NF1: variants seen among roughly 807,000 people sequenced by gnomAD.
NF1 encodes neurofibromin 1, also known as neurofibromin.
In NF1, 122 loss-of-function variants were observed where a neutral mutation model predicts 325.7. That is an observed-to-expected ratio of 0.37 (90% CI 0.32 to 0.44). The LOEUF (loss-of-function observed/expected upper bound fraction) is 0.44, where lower values mean the gene tolerates loss of function less well. Among genes scored for constraint, NF1 ranks in the 20% least tolerant of loss-of-function variants. NF1 has a pLI of 1.00. For missense variants in NF1, 2,140 were observed against 3,415.4 expected (o/e 0.63, Z 9.31); for synonymous variants, 1,091 against 1,186.0 (o/e 0.92, Z 1.65).
intron 15 of NF1, 141 bp downstream of exon 15, chr17:31,222,070 C>T: frequency 7.8e-7 from 1 of 1,283,380 alleles, no homozygotes; most frequent in Non-Finnish European, 9.9e-7. Flanking sequence ...TATTTGACTT[C>T]AAATTATTAG....
chr17:31,233,356 G>A, intron 27 of NF1, 143 bp downstream of exon 27: 1 of 859,942 alleles, frequency 1.2e-6, no homozygotes, highest in South Asian at 1.4e-5. Context: ...TGATTTTTCA[G>A]CTGTAGGGAA....
intron 5 of NF1, among the ~76,000 whole-genome samples, chr17:31,180,914 C>T (rs1304727657): frequency 6.6e-6 from 1 of 152,158 alleles, no homozygotes; most frequent in South Asian, 2.1e-4. Flanking sequence ...GATACAAAAT[C>T]AATGTGCAAA....
At chr17:31,365,209 G>A (rs145556333) in intron 57 of NF1, among the ~76,000 whole-genome samples, 10 of 148,908 alleles carry the variant, frequency 6.7e-5, no homozygotes, top group East Asian at 2.0e-4. Flanking sequence ...CACCTGAGCC[G>A]GAGAGGTCAA....
At chr17:31,367,044 T>C (rs1344506282) in intron 57 of NF1, among the ~76,000 whole-genome samples, 3 of 152,150 alleles carry the variant, frequency 2.0e-5, no homozygotes, top group African/African-American at 7.2e-5. Flanking sequence ...TTGTAAGTTC[T>C]CTCATTTATT....
chr17:31,187,420 A>G (rs1416048514), intron 8 of NF1, among the ~76,000 whole-genome samples: 1 of 152,102 alleles, frequency 6.6e-6, no homozygotes, highest in Non-Finnish European at 1.5e-5. Flanking sequence ...GATGGTCTCA[A>G]TCTCTTGACC....
intron 1 of NF1, among the ~76,000 whole-genome samples, chr17:31,132,284 G>A (rs1418898000): frequency 6.6e-6 from 1 of 152,046 alleles, no homozygotes; most frequent in Non-Finnish European, 1.5e-5. Context: ...GGTCATGCCT[G>A]TAATCCCAGC....
Position 31,144,514 on chromosome 17 carries a change from C to T in NF1, c.61-11469C>T, listed in dbSNP as rs73273512. On this transcript the variant is annotated intron_variant, in intron 1 of 57. Coordinates refer to ENST00000358273, the MANE Select transcript of NF1 (RefSeq NM_001042492.3). ...GGTCAGGAATTCATGACAGGTTCAGCTGGGCAGTTCTTCTGTTCCATATTG... is the reference window on the plus strand; with the variant it reads ...GGTCAGGAATTCATGACAGGTTCAGTTGGGCAGTTCTTCTGTTCCATATTG... Among the ~76,000 whole-genome samples the T allele has an allele frequency of 1.3e-3, 191 of 152,308 alleles. 1 individual carries two copies. Among genetic ancestry groups the T allele is most frequent in the African/African-American group, 4.2e-3 (174 of 41,570 alleles).
At chr17:31,107,255 T>C (rs1363895200) in intron 1 of NF1, among the ~76,000 whole-genome samples, 1 of 152,186 alleles carries the variant, frequency 6.6e-6, no homozygotes. Context: ...ACAGTATTTC[T>C]TTCCCTGTTA....
chr17:31,140,868 T>C (rs149664240), intron 1 of NF1, among the ~76,000 whole-genome samples: 16 of 152,176 alleles, frequency 1.1e-4, no homozygotes, highest in African/African-American at 3.1e-4. Flanking sequence ...AAATACTATA[T>C]AATCTCACTT....
chr17:31,250,793 A>G (rs1323592547), intron 30 of NF1: 6 of 187,802 alleles, frequency 3.2e-5, no homozygotes, highest in Middle Eastern at 1.8e-3. Context: ...TTTAAACACT[A>G]TATGTGGTGA....
At chr17:31,135,398 A>G (rs184834697) in intron 1 of NF1, among the ~76,000 whole-genome samples, 18 of 152,088 alleles carry the variant, frequency 1.2e-4, no homozygotes, top group East Asian at 3.9e-4. Context: ...TTAACTATCA[A>G]TATTTCTGTG....
chr17:31,319,800 G>T (rs1283895900), intron 36 of NF1, among the ~76,000 whole-genome samples: 2 of 148,690 alleles, frequency 1.3e-5, no homozygotes, highest in Non-Finnish European at 3.0e-5. Context: ...AGACTTAAAA[G>T]TTCAACAAAA....
At chr17:31,189,585 A>G (rs1393305589) in intron 8 of NF1, among the ~76,000 whole-genome samples, 1 of 152,072 alleles carries the variant, frequency 6.6e-6, no homozygotes, top group Non-Finnish European at 1.5e-5. Flanking sequence ...TTTTTTGTCT[A>G]TAGATTTACT....
At chr17:31,265,002 A>G (rs1416318914) in intron 35 of NF1, among the ~76,000 whole-genome samples, 1 of 152,220 alleles carries the variant, frequency 6.6e-6, no homozygotes, top group African/African-American at 2.4e-5. Context: ...TATGGTTAAT[A>G]TTCTTGCCCA....
intron 1 of NF1, among the ~76,000 whole-genome samples, chr17:31,108,643 G>A (rs1008891400): frequency 2.6e-5 from 4 of 152,004 alleles, no homozygotes; most frequent in African/African-American, 7.2e-5. Context: ...TATTTCATCC[G>A]TATTCCTACC....
At chr17:31,327,864 G>C (rs2151542075) in intron 38 of NF1, 25 bp downstream of exon 38, 2 of 1,596,900 alleles carry the variant, frequency 1.3e-6, no homozygotes, top group Non-Finnish European at 1.7e-6. Context: ...ATTCTCTTCA[G>C]TTTGATTTGG....
intron 1 of NF1, among the ~76,000 whole-genome samples, chr17:31,114,715 G>A (rs749417092): frequency 4.6e-5 from 7 of 151,830 alleles, no homozygotes; most frequent in Non-Finnish European, 1.0e-4. Context: ...TTAGCTGGGC[G>A]TGGTGGCAGG....
At chr17:31,200,138 G>GAA (rs1182170897) in intron 8 of NF1, among the ~76,000 whole-genome samples, 4 of 125,134 alleles carry the variant, frequency 3.2e-5, no homozygotes, top group African/African-American at 8.8e-5. Context: ...ACCATCTTGG[G>GAA]AAAAAAAAAA....
chr17:31,208,169 C>T (rs763039991), intron 12 of NF1, among the ~76,000 whole-genome samples: 1 of 152,072 alleles, frequency 6.6e-6, no homozygotes, highest in Non-Finnish European at 1.5e-5. Context: ...TCAAGGACAC[C>T]TGTAATAAGA....
Sources: gnomAD v4.1 joint callset for allele counts (sites outside exome capture counted in the v4.1 genomes callset) on GRCh38, gnomAD v4.1.1 for gene constraint, MANE v1.5 for transcripts, NCBI Gene and HGNC (gene_info 2026-07-23, HGNC 2026-07-21) for gene names.